The following ENKUR variants were observed in gnomAD, a reference collection of about 807,000 sequenced individuals.
The protein encoded by ENKUR is enkurin, TRPC channel interacting protein.
Under a neutral mutation model 27.6 loss-of-function variants are expected in ENKUR, and 19 were observed. The ratio of observed to expected loss-of-function variants is 0.69; its 90% CI spans 0.48 to 1.01. The LOEUF is 1.01. ENKUR is among the 50% of genes least tolerant of loss of function. ENKUR has a pLI of 0.00. For synonymous variants in ENKUR, 117 were observed against 96.9 expected (o/e 1.21, Z -1.22); for missense variants, 312 against 310.5 (o/e 1.00, Z -0.04).
chr10:25,027,019 G>A (rs1044375010), intron 2 of ENKUR, among the ~76,000 whole-genome samples: 8 of 152,036 alleles, frequency 5.3e-5, no homozygotes, highest in African/African-American at 1.7e-4. Context: ...TTCAGTAGAT[G>A]ATATATTTAG....
intron 2 of ENKUR, among the ~76,000 whole-genome samples, chr10:25,032,726 T>C (rs760289188): frequency 1.2e-4 from 18 of 152,134 alleles, no homozygotes; most frequent in Non-Finnish European, 1.9e-4. Context: ...AGTAGTAATT[T>C]ATGTGTTTTC....
In ENKUR at chr10:25,015,863, G is replaced by A. The variant is rs775952154; in HGVS notation, c.74C>T (p.Pro25Leu). 10 of 1,603,216 alleles carry A rather than the reference G, an allele frequency of 6.2e-6. No homozygotes were observed. Among genetic ancestry groups the A allele is most frequent in the Non-Finnish European group, 7.7e-6 (9 of 1,174,744 alleles). ...PSDLKEPPQPPRYISIFKATV... is the reference protein window; with the variant it reads ...PSDLKEPPQPLRYISIFKATV... ...TAGTCTTTGCTTATCCACATACCTAGGAGGCTGGGGAGGCTCCTTCAAGTC... is the reference window on the plus strand; with the variant it reads ...TAGTCTTTGCTTATCCACATACCTAAGAGGCTGGGGAGGCTCCTTCAAGTC... Residue 25 changes from proline to leucine, a missense_variant, in exon 1 of 6, where the codon CCT becomes CTT. Pro to Leu is a moderately conservative substitution (Grantham distance 98). Coordinates refer to ENST00000331161, the MANE Select transcript of ENKUR (RefSeq NM_145010.4).
intron 4 of ENKUR, among the ~76,000 whole-genome samples, chr10:24,987,171 A>T (rs1289022492): frequency 1.3e-5 from 2 of 152,106 alleles, no homozygotes; most frequent in African/African-American, 4.8e-5. Flanking sequence ...TTCATCTGTG[A>T]CTATGACCCT....
At chr10:24,993,738 T>C (rs1202531611) in intron 3 of ENKUR, among the ~76,000 whole-genome samples, 1 of 152,234 alleles carries the variant, frequency 6.6e-6, no homozygotes, top group Admixed American at 6.5e-5. Flanking sequence ...AGTGCTTTCA[T>C]GGTTTGGTAA....
intron 2 of ENKUR, among the ~76,000 whole-genome samples, chr10:25,055,520 A>T (rs751161182): frequency 1.4e-5 from 2 of 146,028 alleles, no homozygotes; most frequent in Non-Finnish European, 3.0e-5. Flanking sequence ...ATTCTCATAC[A>T]TCATTCAGGG....
intron 2 of ENKUR, among the ~76,000 whole-genome samples, chr10:25,051,504 G>A (rs1851185692): frequency 6.6e-6 from 1 of 152,168 alleles, no homozygotes; most frequent in African/African-American, 2.4e-5. Flanking sequence ...TCATAGCAGA[G>A]GGTGAAGGCG....
Position 24,995,777 on chromosome 10 carries a change from T to C in ENKUR, c.316A>G (p.Ile106Val), listed in dbSNP as rs1382744350. 3 of 1,613,972 alleles carry C rather than the reference T, an allele frequency of 1.9e-6. No homozygotes were observed. Among genetic ancestry groups the C allele is most frequent in the Non-Finnish European group, 2.5e-6 (3 of 1,180,004 alleles). Reference sequence around the variant, plus strand: ...ATGATATCAGCTGCATTTGTATTTATAAAATTTTTTCCACTCTGTATTCCC... The same window carrying C: ...ATGATATCAGCTGCATTTGTATTTACAAAATTTTTTCCACTCTGTATTCCC... ...VMGIQSGKNFINTNAADIIMG... is the reference protein window; with the variant it reads ...VMGIQSGKNFVNTNAADIIMG... Residue 106 changes from isoleucine to valine, a missense_variant, in exon 3 of 6, where the codon ATA (isoleucine) becomes GTA (valine). Physicochemically the swap from Ile to Val is conservative, Grantham distance 29. Transcript: ENST00000331161.
At chr10:25,054,535 CTTT>C (rs1240354029) in intron 2 of ENKUR, among the ~76,000 whole-genome samples, 1 of 128,976 alleles carries the variant, frequency 7.8e-6, no homozygotes, top group African/African-American at 3.1e-5. Context: ...TCTTTCCTTT[CTTT>C]CTTTCTTTCC....
intron 4 of ENKUR, among the ~76,000 whole-genome samples, chr10:24,988,447 A>G (rs1176103403): frequency 6.9e-6 from 1 of 145,778 alleles, no homozygotes; most frequent in Non-Finnish European, 1.5e-5. Context: ...TTTATATTGT[A>G]CATATGTTAT....
At chr10:24,997,944 A>G (rs1303854171) in intron 2 of ENKUR, among the ~76,000 whole-genome samples, 1 of 152,060 alleles carries the variant, frequency 6.6e-6, no homozygotes, top group East Asian at 1.9e-4. Context: ...TATATTCTCA[A>G]ATGGTATTGT....
At chr10:25,028,282 TAAC>T (rs1238628447) in intron 2 of ENKUR, among the ~76,000 whole-genome samples, 1 of 152,232 alleles carries the variant, frequency 6.6e-6, no homozygotes, top group Non-Finnish European at 1.5e-5. Context: ...TCTCAGCTAA[TAAC>T]TTTGCTTCAT....
intron 1 of ENKUR, among the ~76,000 whole-genome samples, 192 bp downstream of exon 1, chr10:25,015,668 C>T (rs1850550842): frequency 6.6e-6 from 1 of 152,216 alleles, no homozygotes. Context: ...AGACTGCCCT[C>T]TCTGTAAAAC....
chr10:25,019,982 G>A (rs1850685214), upstream of ENKUR, among the ~76,000 whole-genome samples: 4 of 152,098 alleles, frequency 2.6e-5, no homozygotes, highest in South Asian at 8.3e-4. Flanking sequence ...TGCAGCAGAC[G>A]TTCTCAAAAA....
intron 2 of ENKUR, among the ~76,000 whole-genome samples, chr10:25,022,901 A>G (rs1346537897): frequency 1.3e-5 from 2 of 152,192 alleles, no homozygotes; most frequent in Non-Finnish European, 2.9e-5. Context: ...CACTTTGTGA[A>G]TACAAGTTTC....
chr10:25,051,552 A>C (rs539855334), intron 2 of ENKUR, among the ~76,000 whole-genome samples: 90 of 152,310 alleles, frequency 5.9e-4, no homozygotes, highest in South Asian at 2.7e-3. Context: ...AGCAAGGGAC[A>C]GGAGAGGTGC....
At position 24,995,772 on chromosome 10, in the gene ENKUR, A is replaced by G; in HGVS notation, c.321T>C (p.Asn107=). ...MGIQSGKNFI[N]TNAADIIMGV... Reference sequence around the variant, plus strand: ...CCATGATGATATCAGCTGCATTTGTATTTATAAAATTTTTTCCACTCTGTA... The same window carrying G: ...CCATGATGATATCAGCTGCATTTGTGTTTATAAAATTTTTTCCACTCTGTA... The change falls in exon 3 of 6, where the codon AAT becomes AAC. Residue 107 remains asparagine, a synonymous_variant. Coordinates refer to ENST00000331161, the MANE Select transcript of ENKUR (RefSeq NM_145010.4). The G allele has an allele frequency of 6.2e-7, 1 of 1,614,032 alleles. No individual in the cohort carries two copies. Among genetic ancestry groups the G allele is most frequent in the Non-Finnish European group, 8.5e-7 (1 of 1,179,974 alleles).
At chr10:25,005,693 C>T (rs1172199110) in intron 1 of ENKUR, among the ~76,000 whole-genome samples, 1 of 152,164 alleles carries the variant, frequency 6.6e-6, no homozygotes, top group African/African-American at 2.4e-5. Context: ...AATTCAGGCT[C>T]ATGTCTATAT....
Position 24,984,879 on chromosome 10 carries a change from C to T in ENKUR, c.621G>A (p.Val207=), listed in dbSNP as rs758434034. 5 of 1,612,886 alleles carry T rather than the reference C, an allele frequency of 3.1e-6. No individual in the cohort carries two copies. The South Asian group carries it at 3.3e-5, about 11-fold the overall frequency. Residue 207 remains valine (V), a synonymous_variant, in exon 5 of 6, where the codon GTG becomes GTA. Coordinates refer to ENST00000331161, the MANE Select transcript of ENKUR (RefSeq NM_145010.4). ...LQGLKKNWEE[V]HKEFQSLSVF... is the part of the protein sequence containing the mutation. ...CCGAGAGGGACTGGAATTCTTTATG[C>T]ACCTCTTCCCAGTTCTTTTTCAGCC...
intron 2 of ENKUR, among the ~76,000 whole-genome samples, chr10:25,030,291 T>A (rs749223670): frequency 1.3e-5 from 2 of 152,238 alleles, no homozygotes; most frequent in Non-Finnish European, 2.9e-5. Context: ...TAGCGTGTGC[T>A]TTTAATTATT....
Sources: gnomAD v4.1 joint callset for allele counts (sites outside exome capture counted in the v4.1 genomes callset) on GRCh38, gnomAD v4.1.1 for gene constraint, MANE v1.5 for transcripts, NCBI Gene and HGNC (gene_info 2026-07-23, HGNC 2026-07-21) for gene names.